The following PIK3C2G variants were observed in gnomAD, a reference collection of about 807,000 sequenced individuals.
PIK3C2G encodes phosphatidylinositol-4-phosphate 3-kinase catalytic subunit type 2 gamma.
Under a neutral mutation model 181.1 loss-of-function variants are expected in PIK3C2G, and 168 were observed. The observed-to-expected ratio is 0.93, with a 90% CI of 0.82 to 1.05. PIK3C2G has a LOEUF of 1.05. PIK3C2G is among the 50% of genes least tolerant of loss of function. The probability of loss-of-function intolerance (pLI) is 0.00; values close to 1 mark genes in which losing one functional copy is unlikely to be tolerated. For missense variants in PIK3C2G, 1,869 were observed against 1,732.8 expected (o/e 1.08, Z -1.40); for synonymous variants, 573 against 592.2 (o/e 0.97, Z 0.47).
At chr12:18,642,816 G>GTGTGTGTGTC (rs34243563) in intron 32 of PIK3C2G, among the ~76,000 whole-genome samples, 9,646 of 148,904 alleles carry the variant, frequency 0.065, 353 homozygotes, top group African/African-American at 0.08. Context: ...GTGTGTGTGT[G>GTGTGTGTGTC]TGTGTGTATA....
At chr12:18,370,689 C>G (rs1941987577) in intron 12 of PIK3C2G, among the ~76,000 whole-genome samples, 1 of 152,154 alleles carries the variant, frequency 6.6e-6, no homozygotes, top group South Asian at 2.1e-4. Flanking sequence ...TTTGTTCTAG[C>G]CACAATGAAC....
At chr12:18,375,807 G>A (rs1005231353) in intron 13 of PIK3C2G, among the ~76,000 whole-genome samples, 2 of 152,226 alleles carry the variant, frequency 1.3e-5, no homozygotes, top group African/African-American at 2.4e-5. Flanking sequence ...TCAGGACACT[G>A]CTCCCCACAT....
chr12:18,694,195 A>G, the PIK3C2G span: 1 of 633,314 alleles, frequency 1.6e-6, no homozygotes, highest in Non-Finnish European at 2.8e-6. Context: ...CTCTGTTCCC[A>G]TTGATTTTTA....
chr12:18,696,436 A>C, the PIK3C2G span, among the ~76,000 whole-genome samples: 1 of 148,940 alleles, frequency 6.7e-6, no homozygotes, highest in East Asian at 2.0e-4. Flanking sequence ...AAATAAATCC[A>C]TGCCTTTATG....
chr12:18,577,119 C>G (rs1946269905), intron 29 of PIK3C2G, among the ~76,000 whole-genome samples: 1 of 152,090 alleles, frequency 6.6e-6, no homozygotes, highest in Admixed American at 6.6e-5. Context: ...ATAGGAAACT[C>G]CTAAATGTAT....
At chr12:18,650,971 G>T (rs530439767), downstream of PIK3C2G, among the ~76,000 whole-genome samples, 1 of 151,472 alleles carries the variant, frequency 6.6e-6, no homozygotes, top group African/African-American at 2.4e-5. Flanking sequence ...ACACAGCAAT[G>T]GGAATGGTTA....
intron 5 of PIK3C2G, among the ~76,000 whole-genome samples, chr12:18,306,625 A>G (rs560477505): frequency 6.6e-6 from 1 of 152,190 alleles, no homozygotes; most frequent in African/African-American, 2.4e-5. Context: ...TTGAAGGGGC[A>G]CATACCAAAT....
In PIK3C2G at chr12:18,491,503, A is replaced by G. The variant is rs369990386; in HGVS notation, c.2738A>G (p.Asn913Ser). Residue 913 changes from asparagine to serine, a missense_variant, in exon 20 of 33, where the codon AAT becomes AGT. Asn to Ser is a conservative substitution (Grantham distance 46, BLOSUM62 1). Transcript: ENST00000538779. ...CTAGAAGAGTTCTTTCAAGATGTAA[A>G]TACTTGTCATCTTCCTCTGAACCCT... ...GRLEEFFQDV[N>S]TCHLPLNPAL... 1 of 1,610,278 alleles carries G rather than the reference A, an allele frequency of 6.2e-7. No individual in the cohort carries two copies. The highest frequency in any genetic ancestry group is 1.1e-5 in the South Asian group (1 of 90,984).
chr12:18,615,063 C>T (rs1432557568), intron 31 of PIK3C2G, among the ~76,000 whole-genome samples: 1 of 151,880 alleles, frequency 6.6e-6, no homozygotes, highest in Non-Finnish European at 1.5e-5. Flanking sequence ...TGGTGCAATT[C>T]GTCACCCAAG....
At chr12:18,477,451 G>C (rs1389326280) in intron 18 of PIK3C2G, among the ~76,000 whole-genome samples, 1 of 152,046 alleles carries the variant, frequency 6.6e-6, no homozygotes, top group African/African-American at 2.4e-5. Flanking sequence ...AACAACAATA[G>C]CAACAACAGC....
At chr12:18,564,229 A>C (rs1945497066) in intron 28 of PIK3C2G, among the ~76,000 whole-genome samples, 1 of 152,000 alleles carries the variant, frequency 6.6e-6, no homozygotes, top group African/African-American at 2.4e-5. Context: ...AAAATTCATC[A>C]CTTAGAAGCA....
At chr12:18,392,897 A>G (rs4764398) in intron 15 of PIK3C2G, among the ~76,000 whole-genome samples, 19,496 of 152,070 alleles carry the variant, frequency 0.13, 1,291 homozygotes, top group African/African-American at 0.16. Flanking sequence ...GATGACAGAA[A>G]ATTCTCATAG....
chr12:18,702,452 G>A, the PIK3C2G span, among the ~76,000 whole-genome samples: 5 of 151,988 alleles, frequency 3.3e-5, no homozygotes, highest in Admixed American at 2.6e-4. Context: ...TTTAAGTACC[G>A]GCTCTGTTAT....
At chr12:18,296,274 T>A (rs1370897357) in intron 5 of PIK3C2G, among the ~76,000 whole-genome samples, 1 of 152,156 alleles carries the variant, frequency 6.6e-6, no homozygotes, top group African/African-American at 2.4e-5. Context: ...TATTCTGATA[T>A]TAACACCGTG....
chr12:18,595,012 T>G (rs2136496814), intron 30 of PIK3C2G, among the ~76,000 whole-genome samples: 1 of 152,198 alleles, frequency 6.6e-6, no homozygotes, highest in East Asian at 1.9e-4. Context: ...TCATAGAATA[T>G]TCAAGATTTG....
intron 18 of PIK3C2G, among the ~76,000 whole-genome samples, chr12:18,474,538 C>T (rs557177407): frequency 1.3e-5 from 2 of 152,090 alleles, no homozygotes; most frequent in East Asian, 3.9e-4. Flanking sequence ...CTCTATTTTC[C>T]CAATTTGTGA....
At chr12:18,333,853 G>T (rs1335694095) in intron 8 of PIK3C2G, among the ~76,000 whole-genome samples, 1 of 152,126 alleles carries the variant, frequency 6.6e-6, no homozygotes, top group Non-Finnish European at 1.5e-5. Flanking sequence ...TTACATGGCT[G>T]TTTAAATGCA....
chr12:18,601,840 C>T (rs1042120259), intron 30 of PIK3C2G, among the ~76,000 whole-genome samples: 4 of 151,962 alleles, frequency 2.6e-5, no homozygotes, highest in Admixed American at 1.3e-4. Context: ...ATTAGAGAGC[C>T]GGGCTTAGGG....
intron 15 of PIK3C2G, among the ~76,000 whole-genome samples, chr12:18,394,241 T>C (rs983642429): frequency 2.0e-5 from 3 of 151,942 alleles, no homozygotes; most frequent in Non-Finnish European, 2.9e-5. Flanking sequence ...ACCTAACAAA[T>C]CATAAAAACC....
Sources: allele counts gnomAD v4.1 joint callset (sites outside exome capture counted in the v4.1 genomes callset), GRCh38; gene constraint gnomAD v4.1.1; transcripts MANE v1.5; gene names NCBI Gene and HGNC (gene_info 2026-07-23, HGNC 2026-07-21).